The following PARD3B variants were observed in gnomAD, a reference collection of about 807,000 sequenced individuals.
PARD3B encodes par-3 family cell polarity regulator beta.
A neutral mutation model predicts 130.2 loss-of-function variants in PARD3B; 103 were observed. The ratio of observed to expected loss-of-function variants is 0.79; its 90% confidence interval spans 0.67 to 0.93. PARD3B has a LOEUF of 0.93. PARD3B is among the 40% of genes least tolerant of loss of function. PARD3B has a pLI of 0.00. For synonymous variants in PARD3B, 583 were observed against 553.2 expected, an observed-to-expected ratio of 1.05 and a Z score of -0.76; for missense variants, 1,609 against 1,499.2, an observed-to-expected ratio of 1.07 and a Z score of -1.21.
At chr2:205,089,982 C>T (rs973940930) in intron 4 of PARD3B, among the ~76,000 whole-genome samples, 3 of 152,182 alleles carry the variant, frequency 2.0e-5, no homozygotes, top group Non-Finnish European at 2.9e-5. Context: ...GCTTTGATTG[C>T]CTCACAAGTG....
At position 205,287,698 on chromosome 2, in the gene PARD3B, G is replaced by T. The variant is rs1414971899; in HGVS notation, c.2186-12832G>T. Among the ~76,000 whole-genome samples the T allele has an allele frequency of 5.3e-5, 8 of 152,142 alleles. No homozygotes were observed. The highest frequency in any genetic ancestry group is 4.6e-4 in the Admixed American group (7 of 15,274). On this transcript the variant is annotated intron_variant, in intron 16 of 22. Transcript: ENST00000406610. This position sits in a 1 kb window ranked among gnomAD's most constrained non-coding sequence, Gnocchi z 4.8. ...TGGGTGCCGGCTAGGAAAAAGAATG[G>T]ATGTCAGCACTCGGGGGAGAAAAGA...
At chr2:204,640,389 A>G (rs906408538) in intron 1 of PARD3B, among the ~76,000 whole-genome samples, 1 of 151,782 alleles carries the variant, frequency 6.6e-6, no homozygotes, top group African/African-American at 2.4e-5. Flanking sequence ...GAGAGATGTC[A>G]TGGCAGGAGA....
intron 3 of PARD3B, among the ~76,000 whole-genome samples, chr2:205,030,533 G>A (rs1392917157): frequency 2.6e-5 from 4 of 152,006 alleles, no homozygotes; most frequent in African/African-American, 4.8e-5. Context: ...GGAACTTAAC[G>A]TTTCTTCTGC....
At chr2:205,049,743 A>G (rs1438567869) in intron 4 of PARD3B, among the ~76,000 whole-genome samples, 1 of 152,192 alleles carries the variant, frequency 6.6e-6, no homozygotes, top group African/African-American at 2.4e-5. Context: ...GCAAAGATGC[A>G]TCTCATAATT....
chr2:205,394,151 A>T (rs946320111), intron 18 of PARD3B, among the ~76,000 whole-genome samples: 10 of 152,086 alleles, frequency 6.6e-5, no homozygotes, highest in African/African-American at 1.9e-4. Context: ...ACAAACCATT[A>T]TCAAATTCCA....
At chr2:205,002,631 C>T (rs998874825) in intron 3 of PARD3B, among the ~76,000 whole-genome samples, 1 of 152,118 alleles carries the variant, frequency 6.6e-6, no homozygotes, top group Non-Finnish European at 1.5e-5. Flanking sequence ...CTCTGATGTC[C>T]TCCTGCCTGC....
At chr2:205,063,117 C>T (rs1230537542) in intron 4 of PARD3B, among the ~76,000 whole-genome samples, 1 of 151,940 alleles carries the variant, frequency 6.6e-6, no homozygotes, top group East Asian at 1.9e-4. Context: ...ATAGTAGTTA[C>T]AGAAACTACC....
Position 205,265,359 on chromosome 2 carries a change from A to G in PARD3B, c.2185+19537A>G, listed in dbSNP as rs1198048670. Among the ~76,000 whole-genome samples the G allele has an allele frequency of 6.6e-6, 1 of 152,032 alleles. No homozygotes were observed. Among genetic ancestry groups the G allele is most frequent in the Non-Finnish European group, 1.5e-5 (1 of 67,946 alleles). On this transcript the variant is annotated intron_variant, in intron 16 of 22. Transcript: ENST00000406610. The surrounding 1 kb of genome is among the most constrained non-coding windows in gnomAD (Gnocchi z 4.3). ...TGATCATCAGTCTCTAAATGTTAGTAATCATTTGGTTTATTTACTTTTGAA... is the reference window on the plus strand; with the variant it reads ...TGATCATCAGTCTCTAAATGTTAGTGATCATTTGGTTTATTTACTTTTGAA...
At chr2:204,747,053 C>G (rs1013894130) in intron 2 of PARD3B, among the ~76,000 whole-genome samples, 2 of 151,918 alleles carry the variant, frequency 1.3e-5, no homozygotes, top group Admixed American at 6.6e-5. Context: ...GTCCTTGCCC[C>G]TGCCTATGTC....
At chr2:204,823,514 A>C (rs899818661) in intron 2 of PARD3B, among the ~76,000 whole-genome samples, 1 of 152,152 alleles carries the variant, frequency 6.6e-6, no homozygotes. Context: ...AGTATAATTC[A>C]TACAGGGTAA....
At chr2:205,468,671 G>A (rs767294858) in intron 20 of PARD3B, among the ~76,000 whole-genome samples, 11 of 152,076 alleles carry the variant, frequency 7.2e-5, no homozygotes, top group Non-Finnish European at 1.2e-4. Flanking sequence ...TGGTTCTCAC[G>A]TCTCTGCACT....
At chr2:205,416,194 C>T (rs1413022841) in intron 19 of PARD3B, among the ~76,000 whole-genome samples, 1 of 151,876 alleles carries the variant, frequency 6.6e-6, no homozygotes, top group African/African-American at 2.4e-5. Flanking sequence ...GTGAGAATAC[C>T]TTTAATGCTG....
At position 205,146,674 on chromosome 2, in the gene PARD3B, A is replaced by T. The variant is rs1273498331; in HGVS notation, c.1435-12048A>T. ...TCAAAAAAAAAAATTGTTACATCAT[A>T]TTGTTTGTTCCTGAATCTTATGTTC... On this transcript the variant is annotated intron_variant, in intron 10 of 22. Coordinates refer to ENST00000406610, the MANE Select transcript of PARD3B (RefSeq NM_001302769.2). This position sits in a 1 kb window ranked among gnomAD's most constrained non-coding sequence, Gnocchi z 4.3. Among the ~76,000 whole-genome samples, 1 of 152,058 alleles carries T rather than the reference A, an allele frequency of 6.6e-6. No individual in the cohort carries two copies. The highest frequency in any genetic ancestry group is 2.1e-4 in the South Asian group (1 of 4,804).
rs141927700 is a variant in PARD3B, at chr2:205,381,912, C to A, written c.2631-19101C>A. Among the ~76,000 whole-genome samples the A allele has an allele frequency of 7.9e-3, 1,197 of 152,096 alleles. 10 individuals are homozygous for A. Among genetic ancestry groups the A allele is most frequent in the Non-Finnish European group, 7.3e-3 (497 of 67,972 alleles). On this transcript the variant is annotated intron_variant, in intron 18 of 22. Transcript: ENST00000406610. ...CTTCTTTAACCTTTCCTAATCATTT[C>A]TCTCCTTTTCCTTCTTGTTGTTTAA...
intron 2 of PARD3B, among the ~76,000 whole-genome samples, chr2:204,731,783 A>G (rs1415473496): frequency 6.6e-6 from 1 of 152,192 alleles, no homozygotes; most frequent in Non-Finnish European, 1.5e-5. Flanking sequence ...GGCCTAGAGG[A>G]AAGTTACATT....
At chr2:204,613,894 T>G (rs1017251027) in intron 1 of PARD3B, among the ~76,000 whole-genome samples, 1 of 152,296 alleles carries the variant, frequency 6.6e-6, no homozygotes, top group South Asian at 2.1e-4. Context: ...CTCTGGCTTT[T>G]ATGGTACAGG....
At chr2:205,235,752 C>G (rs1049878749) in intron 15 of PARD3B, among the ~76,000 whole-genome samples, 2 of 152,120 alleles carry the variant, frequency 1.3e-5, no homozygotes, top group African/African-American at 4.8e-5. Flanking sequence ...CTTGAATTTT[C>G]CATTTAATAT....
In PARD3B at chr2:204,965,211, C is replaced by G. The variant is rs1167513547; in HGVS notation, c.282C>G (p.Asn94Lys). 1 of 1,613,922 alleles carries G rather than the reference C, an allele frequency of 6.2e-7. No individual in the cohort carries two copies. The highest frequency in any genetic ancestry group is 1.7e-5 in the Admixed American group (1 of 59,966). ...ACAAGATTGAGAGCCCCAGTGGAAA[C>G]CCTGCAGATCGGCAGAGCCCAGATG... ...PLHKIESPSGNPADRQSPDAF... is the reference protein window; with the variant it reads ...PLHKIESPSGKPADRQSPDAF... Residue 94 changes from asparagine to lysine, a missense_variant, in exon 3 of 23, where the codon AAC becomes AAG. Physicochemically the swap from Asn to Lys is moderately conservative, Grantham distance 94 (BLOSUM62 0). Transcript: ENST00000406610.
rs2044633132 is a variant in PARD3B, at chr2:205,366,989, T to G, written c.2631-34024T>G. 6.6e-6 allele frequency among the ~76,000 whole-genome samples: 1 copy of G among 152,226 alleles called. No individual in the cohort carries two copies. Among genetic ancestry groups the G allele is most frequent in the Admixed American group, 6.5e-5 (1 of 15,280 alleles). On this transcript the variant is annotated intron_variant, in intron 18 of 22. Coordinates refer to ENST00000406610, the MANE Select transcript of PARD3B (RefSeq NM_001302769.2). This position sits in a 1 kb window ranked among gnomAD's most constrained non-coding sequence, Gnocchi z 5.0. ...TGCTGAACAGCCCCCAATATCTTTG[T>G]CTACCAAGGAGTCTGAACTCTTTTA...
Sources: allele counts gnomAD v4.1 joint callset (sites outside exome capture counted in the v4.1 genomes callset), GRCh38; gene constraint gnomAD v4.1.1; non-coding constraint Gnocchi (gnomAD v3.1); transcripts MANE v1.5; gene names NCBI Gene and HGNC (gene_info 2026-07-23, HGNC 2026-07-21).